Variants in MGAT4A observed in about 807,000 individuals in gnomAD.
The protein encoded by MGAT4A is alpha-1,3-mannosyl-glycoprotein 4-beta-N-acetylglucosaminyltransferase A, also known as N-acetylglucosaminyltransferase IVa.
In MGAT4A, 33 loss-of-function variants were observed where a neutral mutation model predicts 74.1. The ratio of observed to expected loss-of-function variants is 0.45; its 90% confidence interval spans 0.34 to 0.60. The LOEUF (loss-of-function observed/expected upper bound fraction) is 0.60, where lower values mean the gene tolerates loss of function less well. MGAT4A is among the 20% of genes least tolerant of loss of function. The probability of loss-of-function intolerance (pLI) is 0.02; values close to 1 mark genes in which losing one functional copy is unlikely to be tolerated. For synonymous variants in MGAT4A, 198 were observed against 210.4 expected (o/e 0.94, Z 0.51); for missense variants, 479 against 628.3 (o/e 0.76, Z 2.54).
At chr2:98,675,646 A>G (rs1475857314) in intron 3 of MGAT4A, among the ~76,000 whole-genome samples, 1 of 151,520 alleles carries the variant, frequency 6.6e-6, no homozygotes, top group East Asian at 1.9e-4. Flanking sequence ...TCCCAGGCTC[A>G]AGAGATCCTC....
chr2:98,647,345 C>T (rs1249642603), intron 8 of MGAT4A, among the ~76,000 whole-genome samples: 1 of 152,074 alleles, frequency 6.6e-6, no homozygotes, highest in Admixed American at 6.6e-5. Context: ...GATGGAGTTT[C>T]CCTCTGTCGC....
intron 10 of MGAT4A, among the ~76,000 whole-genome samples, chr2:98,641,382 G>A (rs936397050): frequency 1.7e-4 from 26 of 150,960 alleles, no homozygotes; most frequent in African/African-American, 5.9e-4. Context: ...TTGGCCAGGC[G>A]CAGTGGCTCA....
At chr2:98,729,319 C>A (rs1310193630) in intron 1 of MGAT4A, among the ~76,000 whole-genome samples, 1 of 152,028 alleles carries the variant, frequency 6.6e-6, no homozygotes, top group Non-Finnish European at 1.5e-5. Context: ...TAGGGTTTCC[C>A]AGCTAATAAG....
chr2:98,674,977 G>C (rs954144965), intron 4 of MGAT4A, 58 bp downstream of exon 4: 3 of 1,567,184 alleles, frequency 1.9e-6, no homozygotes, highest in Non-Finnish European at 2.6e-6. Flanking sequence ...CAACATAATA[G>C]TCCAAAACAC....
intron 14 of MGAT4A, among the ~76,000 whole-genome samples, chr2:98,631,580 C>T (rs541606697): frequency 1.3e-5 from 2 of 152,294 alleles, no homozygotes; most frequent in South Asian, 2.1e-4. Context: ...AGAGCACACC[C>T]GCGGATGCTG....
At chr2:98,647,745 T>C (rs1291817634) in intron 8 of MGAT4A, among the ~76,000 whole-genome samples, 3 of 152,262 alleles carry the variant, frequency 2.0e-5, no homozygotes, top group African/African-American at 4.8e-5. Context: ...TAAAGCACTT[T>C]ATGAAACCGT....
chr2:98,678,861 T>C (rs1702015966), intron 2 of MGAT4A, among the ~76,000 whole-genome samples: 1 of 152,150 alleles, frequency 6.6e-6, no homozygotes, highest in South Asian at 2.1e-4. Context: ...GATAGAGAGA[T>C]GAGGCAAAAA....
At chr2:98,726,156 T>C (rs766703102) in intron 2 of MGAT4A, 83 bp downstream of exon 2, 5 of 906,948 alleles carry the variant, frequency 5.5e-6, no homozygotes, top group Non-Finnish European at 8.6e-6. Context: ...ATTGCCAGGG[T>C]ATTTGACCTA....
intron 2 of MGAT4A, among the ~76,000 whole-genome samples, chr2:98,679,832 A>AAGC (rs1702033073): frequency 6.6e-6 from 1 of 152,176 alleles, no homozygotes; most frequent in African/African-American, 2.4e-5. Flanking sequence ...GAAGAGGCTC[A>AAGC]AGCACAGAAC....
intron 1 of MGAT4A, among the ~76,000 whole-genome samples, chr2:98,729,606 T>C (rs1164438894): frequency 1.3e-5 from 2 of 152,376 alleles, no homozygotes; most frequent in Non-Finnish European, 2.9e-5. Flanking sequence ...AATGGAACTT[T>C]CAACTCTAGA....
intron 2 of MGAT4A, among the ~76,000 whole-genome samples, chr2:98,711,809 T>G (rs952310923): frequency 6.6e-6 from 1 of 152,174 alleles, no homozygotes; most frequent in Admixed American, 6.5e-5. Context: ...GGCTAATTTT[T>G]ACATTTTTTG....
rs1486169652 is a variant in MGAT4A at position 98,622,478 on chromosome 2, C to T, written c.*3088G>A. On this transcript the variant is annotated 3_prime_UTR_variant, in exon 16 of 16. Transcript: ENST00000393487. ...CAACCTTTGACACTTTTTCCATTTA[C>T]TATTTTGGTAAAATGATTCGGCGCC... 1.0e-6 allele frequency: 1 copy of T among 985,322 alleles called. No homozygotes were observed. Among genetic ancestry groups the T allele is most frequent in the Non-Finnish European group, 1.2e-6 (1 of 829,936 alleles). 61.0% of individuals were successfully genotyped at this position (985,322 alleles called of 1,614,324 possible). A position where few individuals can be genotyped will look rare whatever the true frequency, so the allele number is the denominator to read the frequency against.
chr2:98,707,699 C>T (rs1310727027), intron 2 of MGAT4A, among the ~76,000 whole-genome samples: 1 of 152,270 alleles, frequency 6.6e-6, no homozygotes, highest in Non-Finnish European at 1.5e-5. Flanking sequence ...AGCGTCTCCC[C>T]AGTGATAGCA....
Position 98,619,373 on chromosome 2 carries a change from A to G in MGAT4A, c.*6193T>C, listed in dbSNP as rs1257993226. 1 of 152,120 alleles carries G rather than the reference A, an allele frequency of 6.6e-6. No individual in the cohort carries two copies. Among genetic ancestry groups the G allele is most frequent in the African/African-American group, 2.4e-5 (1 of 41,278 alleles). The allele number at this position is 152,120 out of a possible 1,614,324, so 9.4% of individuals were successfully genotyped here. ...ATTTTAAGGAAAATATATACAATACATTTAAGAAAAAAAAAAATCTGGTAC... is the reference window on the plus strand; with the variant it reads ...ATTTTAAGGAAAATATATACAATACGTTTAAGAAAAAAAAAAATCTGGTAC... On this transcript the variant is annotated 3_prime_UTR_variant, in exon 16 of 16. Coordinates refer to ENST00000393487, the MANE Select transcript of MGAT4A (RefSeq NM_012214.3).
At chr2:98,649,131 AT>A (rs1216145292) in intron 8 of MGAT4A, among the ~76,000 whole-genome samples, 1 of 152,260 alleles carries the variant, frequency 6.6e-6, no homozygotes, top group Non-Finnish European at 1.5e-5. Flanking sequence ...TGATATCTGA[AT>A]AACAGGACTT....
At chr2:98,713,450 T>TAAA in intron 2 of MGAT4A, among the ~76,000 whole-genome samples, 1 of 126,902 alleles carries the variant, frequency 7.9e-6, no homozygotes. Flanking sequence ...AATCTAATCT[T>TAAA]AAAAAAAAAA....
chr2:98,636,547 T>C lies in MGAT4A; in HGVS notation c.1371A>G (p.Leu457=), dbSNP rs1161766955. 4.3e-6 allele frequency: 7 copies of C among 1,613,862 alleles called. No individual in the cohort carries two copies. The African/African-American group carries it at 8.0e-5, about 18-fold the overall frequency. Residue 457 remains leucine (L), a synonymous_variant, in exon 13 of 16, where the codon CTA becomes CTG. Transcript: ENST00000393487. The part of the protein sequence containing the change: ...GNQEHPGDIL[L]NTTVEVLPFK... ...AAGGCAAAACTTCCACAGTTGTGTT[T>C]AGCAGAATATCTCCAGGATGTTCTT...
chr2:98,677,801 A>ATTTTTTTTTTTTTT (rs70940122), intron 3 of MGAT4A, among the ~76,000 whole-genome samples: 10 of 121,346 alleles, frequency 8.2e-5, no homozygotes, highest in Non-Finnish European at 1.7e-4. Flanking sequence ...CAGGTAATAA[A>ATTTTTTTTTTTTTT]TTTTTTTTTT....
chr2:98,709,822 A>C (rs1418224483), intron 2 of MGAT4A, among the ~76,000 whole-genome samples: 1 of 152,218 alleles, frequency 6.6e-6, no homozygotes, highest in Non-Finnish European at 1.5e-5. Context: ...ATAAAGCAAG[A>C]GATAAACTAG....
Sources: allele counts gnomAD v4.1 joint callset (sites outside exome capture counted in the v4.1 genomes callset), GRCh38; gene constraint gnomAD v4.1.1; transcripts MANE v1.5; gene names NCBI Gene and HGNC (gene_info 2026-07-23, HGNC 2026-07-21).